Variants in NCAM2 observed in about 807,000 individuals in gnomAD.
NCAM2 encodes the protein N-CAM-2.
Under a neutral mutation model 98.1 loss-of-function variants are expected in NCAM2, and 30 were observed. The ratio of observed to expected loss-of-function variants is 0.31; its 90% CI spans 0.23 to 0.41. The LOEUF (loss-of-function observed/expected upper bound fraction) is 0.41, where lower values mean the gene tolerates loss of function less well. NCAM2 is among the 10% of genes least tolerant of loss of function. NCAM2 has a pLI of 1.00. For missense variants in NCAM2, 867 were observed against 1,005.8 expected, an observed-to-expected ratio of 0.86 and a Z score of 1.87; for synonymous variants, 368 against 342.4, an observed-to-expected ratio of 1.07 and a Z score of -0.83.
At chr21:21,187,127 G>A (rs1342628531) in intron 1 of NCAM2, among the ~76,000 whole-genome samples, 1 of 152,004 alleles carries the variant, frequency 6.6e-6, no homozygotes, top group Non-Finnish European at 1.5e-5. Context: ...CTACTCGGGA[G>A]GCAGGAGAAT....
intron 8 of NCAM2, among the ~76,000 whole-genome samples, chr21:21,341,442 A>G (rs1568954801): frequency 6.6e-6 from 1 of 152,130 alleles, no homozygotes; most frequent in Non-Finnish European, 1.5e-5. Context: ...AACAGCTAAT[A>G]TTTCCAACAG....
intron 1 of NCAM2, among the ~76,000 whole-genome samples, chr21:21,203,880 T>C (rs1482372321): frequency 6.6e-6 from 1 of 152,194 alleles, no homozygotes; most frequent in East Asian, 1.9e-4. Context: ...GTTTATTAAG[T>C]ATTCATTTTA....
rs1473988933 is a variant in NCAM2 at position 21,331,509 on chromosome 21, CTCTCTCTCTATA to C, written c.738-3994_738-3983del. On this transcript the variant is annotated intron_variant, in intron 6 of 17. Transcript: ENST00000400546. Reference sequence around the variant, plus strand: ...CTGGTTAGTATATATACTCTATACTCTCTCTCTCTATATATATATATATATACTCTATATACA... The same window carrying C: ...CTGGTTAGTATATATACTCTATACTCTATATATATATATACTCTATATACA... 9.7e-3 allele frequency among the ~76,000 whole-genome samples: 49 copies of C among 5,026 alleles called. 13 individuals are homozygous for C. The highest frequency in any genetic ancestry group is 0.015 in the Non-Finnish European group (36 of 2,430). The allele number at this position is 5,026 out of a possible 152,430, so 3.3% of individuals were successfully genotyped here.
chr21:21,273,789 T>G (rs751229434), intron 1 of NCAM2, among the ~76,000 whole-genome samples: 1 of 152,158 alleles, frequency 6.6e-6, no homozygotes, highest in African/African-American at 2.4e-5. Flanking sequence ...GGTTTTAAAT[T>G]TATTATTATT....
intron 16 of NCAM2, among the ~76,000 whole-genome samples, chr21:21,511,588 A>ATTT (rs1569130161): frequency 5.7e-4 from 87 of 151,750 alleles, no homozygotes; most frequent in African/African-American, 2.0e-3. Context: ...GATTTTTTTA[A>ATTT]AAATTTTTGA....
chr21:21,378,894 G>A (rs1321262409), intron 9 of NCAM2, among the ~76,000 whole-genome samples: 1 of 151,968 alleles, frequency 6.6e-6, no homozygotes, highest in Non-Finnish European at 1.5e-5. Context: ...CAAAAGCAAA[G>A]AATTATAATT....
chr21:21,203,332 A>G (rs892204414), intron 1 of NCAM2, among the ~76,000 whole-genome samples: 1 of 152,150 alleles, frequency 6.6e-6, no homozygotes, highest in African/African-American at 2.4e-5. Flanking sequence ...TTATGCTCAC[A>G]TATTTCACCA....
chr21:21,340,159 G>T (rs532050267), intron 8 of NCAM2, among the ~76,000 whole-genome samples: 1 of 151,856 alleles, frequency 6.6e-6, no homozygotes, highest in African/African-American at 2.4e-5. Context: ...ATTTAGATTA[G>T]ATCACTCAAA....
intron 16 of NCAM2, among the ~76,000 whole-genome samples, chr21:21,517,623 C>CGAGGT (rs1988784495): frequency 6.6e-6 from 1 of 152,028 alleles, no homozygotes; most frequent in Non-Finnish European, 1.5e-5. Flanking sequence ...TTTGGGAGGC[C>CGAGGT]GAGGTGAGTG....
intron 5 of NCAM2, among the ~76,000 whole-genome samples, chr21:21,319,025 T>A (rs1490835616): frequency 6.6e-6 from 1 of 151,620 alleles, no homozygotes; most frequent in Admixed American, 6.6e-5. Flanking sequence ...GAGGCAGGAG[T>A]ACTGCTTGAG....
intron 5 of NCAM2, among the ~76,000 whole-genome samples, chr21:21,307,037 A>G (rs900335885): frequency 7.0e-6 from 1 of 143,740 alleles, no homozygotes; most frequent in African/African-American, 2.6e-5. Flanking sequence ...CTATACTTAA[A>G]GTGGGTTTTT....
At chr21:21,045,928 A>G (rs7275959) in intron 1 of NCAM2, among the ~76,000 whole-genome samples, 88,737 of 151,994 alleles carry the variant, frequency 0.58, 26,498 homozygotes, top group East Asian at 0.76. Context: ...TCAGATATGT[A>G]TCTTTACAAC....
intron 1 of NCAM2, among the ~76,000 whole-genome samples, chr21:21,014,636 G>T (rs2064272262): frequency 6.6e-6 from 1 of 152,188 alleles, no homozygotes; most frequent in African/African-American, 2.4e-5. Flanking sequence ...CTGTCGTGGA[G>T]ATTTACAAAA....
chr21:21,256,268 CTCA>C, intron 1 of NCAM2, among the ~76,000 whole-genome samples: 1 of 151,950 alleles, frequency 6.6e-6, no homozygotes, highest in East Asian at 1.9e-4. Flanking sequence ...AGGCAGGAGA[CTCA>C]CTTGAACCTG....
intron 2 of NCAM2, among the ~76,000 whole-genome samples, chr21:21,281,241 A>G (rs2072918811): frequency 6.6e-6 from 1 of 152,188 alleles, no homozygotes; most frequent in African/African-American, 2.4e-5. Context: ...ATATCTGATA[A>G]TAACTTAAAT....
At chr21:21,108,225 C>CT (rs761048955) in intron 1 of NCAM2, among the ~76,000 whole-genome samples, 120 of 148,246 alleles carry the variant, frequency 8.1e-4, no homozygotes, top group East Asian at 4.5e-3. Context: ...CTCATAAAGA[C>CT]TTTTTTTTTT....
intron 1 of NCAM2, among the ~76,000 whole-genome samples, chr21:21,272,501 C>CGT (rs751161225): frequency 1.4e-4 from 7 of 51,610 alleles, no homozygotes; most frequent in South Asian, 9.0e-4. Context: ...CACACATGCG[C>CGT]GCGCGCGCAC....
chr21:21,159,960 A>G (rs1421152442), intron 1 of NCAM2, among the ~76,000 whole-genome samples: 1 of 152,062 alleles, frequency 6.6e-6, no homozygotes, highest in Non-Finnish European at 1.5e-5. Context: ...AGAGCCCCTA[A>G]ACTATAGAAA....
At position 21,146,522 on chromosome 21, in the gene NCAM2, T is replaced by C. The variant is rs1007447173; in HGVS notation, c.56-134056T>C. ...ATATATGTGTATGTGTGTGTGTATA[T>C]GTGATTATATAAAATACTTACAGGA... is the stretch of plus-strand genomic sequence containing the variant. On this transcript the variant is annotated intron_variant, in intron 1 of 17. Coordinates refer to ENST00000400546, the MANE Select transcript of NCAM2 (RefSeq NM_004540.5). Among the ~76,000 whole-genome samples, 323 of 145,696 alleles carry C rather than the reference T, an allele frequency of 2.2e-3. 1 individual carries two copies. Among genetic ancestry groups the C allele is most frequent in the African/African-American group, 8.0e-3 (315 of 39,480 alleles).
Sources: allele counts gnomAD v4.1 joint callset (sites outside exome capture counted in the v4.1 genomes callset), GRCh38; gene constraint gnomAD v4.1.1; transcripts MANE v1.5; gene names NCBI Gene and HGNC (gene_info 2026-07-23, HGNC 2026-07-21).